The following GPC6 variants were observed in gnomAD, a reference collection of about 807,000 sequenced individuals.
GPC6 encodes the protein glypican-6.
A neutral mutation model predicts 55.2 loss-of-function variants in GPC6; 14 were observed. The ratio of observed to expected loss-of-function variants is 0.25; its 90% CI spans 0.17 to 0.40. GPC6 has a LOEUF of 0.40. Ranked by LOEUF, GPC6 falls within the 10% of genes least tolerant of loss-of-function variation. The pLI, the probability that GPC6 is intolerant of heterozygous loss-of-function variation, is 1.00. For synonymous variants in GPC6, 278 were observed against 259.6 expected (o/e 1.07, Z -0.68); for missense variants, 641 against 708.5 (o/e 0.90, Z 1.08).
intron 2 of GPC6, among the ~76,000 whole-genome samples, chr13:93,615,740 G>A (rs968113217): frequency 3.9e-5 from 6 of 152,136 alleles, no homozygotes; most frequent in African/African-American, 1.4e-4. Context: ...TGTGAGTACA[G>A]ACTTGGCCTT....
At chr13:94,088,524 A>G (rs181775740) in intron 4 of GPC6, among the ~76,000 whole-genome samples, 2 of 128,212 alleles carry the variant, frequency 1.6e-5, no homozygotes, top group East Asian at 2.6e-4. Flanking sequence ...CCCTGTCTCT[A>G]TATTAAAAAG....
rs142065706 is a variant in GPC6 at position 94,013,271 on chromosome 13, T to A, written c.712-14458T>A. Among the ~76,000 whole-genome samples, 587 of 152,274 alleles carry A rather than the reference T, an allele frequency of 3.9e-3. 4 individuals are homozygous for A. Among genetic ancestry groups the A allele is most frequent in the African/African-American group, 0.013 (556 of 41,534 alleles). On this transcript the variant is annotated intron_variant, in intron 3 of 8. Transcript: ENST00000377047. ...ATAATTTAAATGCTAAATTTGGAAA[T>A]ACTCCAGTCTTTCACATGATTGATA...
chr13:94,359,253 G>A (rs180714670), intron 6 of GPC6, among the ~76,000 whole-genome samples: 1 of 152,166 alleles, frequency 6.6e-6, no homozygotes, highest in Non-Finnish European at 1.5e-5. Context: ...ATAATTTGAA[G>A]AAATAAAATG....
chr13:93,234,959 T>C (rs993509605), intron 1 of GPC6, among the ~76,000 whole-genome samples: 18 of 152,228 alleles, frequency 1.2e-4, no homozygotes, highest in African/African-American at 4.3e-4. Flanking sequence ...AAAATACATG[T>C]AATCAGCTAC....
chr13:93,671,965 A>G (rs941251478), intron 2 of GPC6, among the ~76,000 whole-genome samples: 2 of 152,136 alleles, frequency 1.3e-5, no homozygotes, highest in African/African-American at 4.8e-5. Context: ...TTATAAAGAA[A>G]TTCAGCAAGA....
At position 94,112,816 on chromosome 13, in the gene GPC6, G is replaced by A. The variant is rs188051924; in HGVS notation, c.877+84922G>A. Among the ~76,000 whole-genome samples the A allele has an allele frequency of 1.8e-4, 28 of 152,090 alleles. No individual in the cohort carries two copies. In the East Asian group the frequency reaches 3.5e-3, roughly 19 times the overall value. ...TTTTTGTCTGTAGATACAGATTGCC[G>A]AAAGAAAGGAATTTTCTTTTTCCTT... On this transcript the variant is annotated intron_variant, in intron 4 of 8. Coordinates refer to ENST00000377047, the MANE Select transcript of GPC6 (RefSeq NM_005708.5).
intron 4 of GPC6, among the ~76,000 whole-genome samples, chr13:94,184,896 G>A (rs1889117909): frequency 1.3e-5 from 2 of 152,164 alleles, no homozygotes; most frequent in African/African-American, 4.8e-5. Flanking sequence ...CAACCTACGT[G>A]CTCATCAGTG....
chr13:94,294,918 A>G (rs1391347579), intron 5 of GPC6, among the ~76,000 whole-genome samples: 1 of 152,182 alleles, frequency 6.6e-6, no homozygotes, highest in Non-Finnish European at 1.5e-5. Context: ...CAAGAGTTAC[A>G]TCTTATTCAT....
At chr13:94,394,933 C>G (rs74103914) in intron 7 of GPC6, among the ~76,000 whole-genome samples, 2,765 of 152,214 alleles carry the variant, frequency 0.018, 96 homozygotes, top group African/African-American at 0.063. Context: ...TTGCAGTGAG[C>G]TTCTGATAAA....
intron 1 of GPC6, among the ~76,000 whole-genome samples, chr13:93,362,395 G>T (rs1463055237): frequency 6.6e-6 from 1 of 152,146 alleles, no homozygotes; most frequent in South Asian, 2.1e-4. Context: ...GACATTACCT[G>T]TGATTGAGTC....
chr13:94,071,133 G>C (rs1884718692), intron 4 of GPC6, among the ~76,000 whole-genome samples: 2 of 152,158 alleles, frequency 1.3e-5, no homozygotes, highest in African/African-American at 4.8e-5. Context: ...AAAAGGTAAA[G>C]AGAAAAGTCT....
intron 2 of GPC6, among the ~76,000 whole-genome samples, chr13:93,714,105 C>T (rs1319144738): frequency 5.3e-5 from 8 of 151,628 alleles, no homozygotes; most frequent in African/African-American, 1.2e-4. Flanking sequence ...ATTAAACTGT[C>T]GAGCTTCTAC....
chr13:94,254,286 A>G (rs1891440074), intron 4 of GPC6, among the ~76,000 whole-genome samples: 1 of 152,148 alleles, frequency 6.6e-6, no homozygotes, highest in African/African-American at 2.4e-5. Context: ...CAAGTAAGTA[A>G]GGACTTTATG....
chr13:93,995,214 G>A (rs1263582970), intron 3 of GPC6, among the ~76,000 whole-genome samples: 1 of 148,368 alleles, frequency 6.7e-6, no homozygotes, highest in Non-Finnish European at 1.5e-5. Flanking sequence ...TTGAGACTGA[G>A]TCTCGCTGTG....
intron 3 of GPC6, among the ~76,000 whole-genome samples, chr13:93,898,966 T>TATATATATATATATATATATACACAC (rs1251225383): frequency 2.2e-5 from 3 of 137,090 alleles, no homozygotes; most frequent in African/African-American, 7.9e-5. Flanking sequence ...TATATATATA[T>TATATATATATATATATATATACACAC]ACACACACAT....
chr13:93,393,373 C>A (rs569397923), intron 1 of GPC6, among the ~76,000 whole-genome samples: 1 of 151,904 alleles, frequency 6.6e-6, no homozygotes, highest in African/African-American at 2.4e-5. Flanking sequence ...CTCCTGATCT[C>A]GTGATCGTGA....
intron 2 of GPC6, among the ~76,000 whole-genome samples, chr13:93,744,703 G>C (rs1008161009): frequency 1.3e-5 from 2 of 151,626 alleles, no homozygotes; most frequent in African/African-American, 4.9e-5. Context: ...ACTTTGGGAG[G>C]CTGACGCAGG....
At chr13:93,396,861 CTT>C (rs1875878574) in intron 1 of GPC6, among the ~76,000 whole-genome samples, 1 of 152,084 alleles carries the variant, frequency 6.6e-6, no homozygotes, top group African/African-American at 2.4e-5. Flanking sequence ...CATCTCCAGT[CTT>C]TTTATTTTTA....
At chr13:93,527,317 G>C (rs1024200307) in intron 1 of GPC6, among the ~76,000 whole-genome samples, 1 of 151,932 alleles carries the variant, frequency 6.6e-6, no homozygotes, top group Non-Finnish European at 1.5e-5. Flanking sequence ...CATTACGTTC[G>C]ATGTAAAGAC....
Sources: allele counts gnomAD v4.1 joint callset (sites outside exome capture counted in the v4.1 genomes callset), GRCh38; gene constraint gnomAD v4.1.1; transcripts MANE v1.5; gene names NCBI Gene and HGNC (gene_info 2026-07-23, HGNC 2026-07-21).